The following ARAP2 variants were observed in gnomAD, a reference collection of about 807,000 sequenced individuals.
ARAP2 encodes ArfGAP with RhoGAP domain, ankyrin repeat and PH domain 2.
Under a neutral mutation model 194.5 loss-of-function variants are expected in ARAP2, and 148 were observed. The ratio of observed to expected loss-of-function variants is 0.76; its 90% CI spans 0.67 to 0.87. The LOEUF (loss-of-function observed/expected upper bound fraction) is 0.87. ARAP2 is among the 40% of genes least tolerant of loss of function. The probability of loss-of-function intolerance (pLI) is 0.00; values close to 1 mark genes in which losing one functional copy is unlikely to be tolerated. For missense variants in ARAP2, 2,128 were observed against 1,989.7 expected (o/e 1.07, Z -1.32); for synonymous variants, 695 against 683.5 (o/e 1.02, Z -0.26).
intron 27 of ARAP2, among the ~76,000 whole-genome samples, chr4:36,104,085 T>C (rs181972074): frequency 4.6e-5 from 7 of 152,066 alleles, no homozygotes; most frequent in Admixed American, 3.9e-4. Flanking sequence ...AGGTATCTAA[T>C]GTGGGGGTGT....
chr4:36,151,001 A>G lies in ARAP2; in HGVS notation c.2796T>C (p.Ser932=). The G allele has an allele frequency of 6.2e-7, 1 of 1,611,192 alleles. No homozygotes were observed. The highest frequency in any genetic ancestry group is 8.5e-7 in the Non-Finnish European group (1 of 1,178,924). The change falls in exon 16 of 33, where the codon AGT becomes AGC. Residue 932 remains serine (S), a synonymous_variant. Coordinates refer to ENST00000303965, the MANE Select transcript of ARAP2 (RefSeq NM_015230.4). Reference sequence around the variant, plus strand: ...TGGTAGACTTATCATTTTCATAGTAACTCAAGAAGCCTCCTTCCAAAACAC... The same window carrying G: ...TGGTAGACTTATCATTTTCATAGTAGCTCAAGAAGCCTCCTTCCAAAACAC... The part of the protein sequence containing the change: ...KWCVLEGGFL[S]YYENDKSTTP...
rs532351777 is a variant in ARAP2 at position 36,058,857 on chromosome 4, G to T, written n.148-714C>A. On this transcript the variant is annotated intron_variant and non_coding_transcript_variant, in intron 1 of 12. Coordinates refer to the ARAP2 transcript ENST00000503225. ...ATCAGGTGGTGATAAGCCCAATGAA[G>T]TAAGAAGATAAAGGGGATAGCAGAA... Among the ~76,000 whole-genome samples, 10 of 152,272 alleles carry T rather than the reference G, an allele frequency of 6.6e-5. No individual in the cohort carries two copies. The South Asian group carries it at 2.1e-3, about 32-fold the overall frequency.
At chr4:36,071,498 C>A (rs972753552) in intron 32 of ARAP2, among the ~76,000 whole-genome samples, 11 of 152,234 alleles carry the variant, frequency 7.2e-5, no homozygotes, top group African/African-American at 2.4e-4. Flanking sequence ...GTCACTTCCA[C>A]CATGAAGCCT....
At chr4:36,211,890 C>A (rs73128479) in intron 5 of ARAP2, among the ~76,000 whole-genome samples, 1 of 151,798 alleles carries the variant, frequency 6.6e-6, no homozygotes, top group East Asian at 1.9e-4. Flanking sequence ...TGCCAGTATG[C>A]CAAGTTCCAA....
At chr4:36,073,978 G>A in intron 31 of ARAP2, 155 bp from the exon 32 acceptor site, 1 of 962,768 alleles carries the variant, frequency 1.0e-6, no homozygotes, top group Non-Finnish European at 1.5e-6. Context: ...TCTGGTGGCA[G>A]CATCGCTCCA....
At chr4:36,148,576 G>C in intron 16 of ARAP2, 69 bp from the exon 17 acceptor site, 1 of 1,078,900 alleles carries the variant, frequency 9.3e-7, no homozygotes, top group Non-Finnish European at 1.4e-6. Flanking sequence ...ATAACACAAA[G>C]GTCATGTTTT....
intron 6 of ARAP2, chr4:36,209,386 C>G (rs1746250281): frequency 2.2e-6 from 1 of 454,220 alleles, no homozygotes; most frequent in Non-Finnish European, 4.4e-6. Flanking sequence ...AAGAAGTAAT[C>G]TGCTTTGGTT....
intron 27 of ARAP2, among the ~76,000 whole-genome samples, chr4:36,103,544 T>C (rs985168172): frequency 1.3e-5 from 2 of 151,670 alleles, no homozygotes; most frequent in African/African-American, 4.8e-5. Flanking sequence ...ATTCTCCCTA[T>C]CTTAATAGTT....
intron 6 of ARAP2, among the ~76,000 whole-genome samples, chr4:36,194,088 G>A (rs1402831991): frequency 6.6e-6 from 1 of 152,076 alleles, no homozygotes; most frequent in Non-Finnish European, 1.5e-5. Context: ...TTGTCAATTG[G>A]ATTTACATGG....
At chr4:36,123,149 G>C (rs1454251048) in intron 22 of ARAP2, among the ~76,000 whole-genome samples, 1 of 151,710 alleles carries the variant, frequency 6.6e-6, no homozygotes, top group Non-Finnish European at 1.5e-5. Flanking sequence ...TGCTTTTACA[G>C]TACACTTAAC....
chr4:36,143,871 A>G (rs908974888), intron 19 of ARAP2, among the ~76,000 whole-genome samples: 4 of 152,004 alleles, frequency 2.6e-5, no homozygotes, highest in South Asian at 4.1e-4. Context: ...AATGTTATTA[A>G]CTGTCTGTGA....
chr4:36,057,199 T>G (rs768672308), intron 2 of ARAP2, among the ~76,000 whole-genome samples: 1 of 140,362 alleles, frequency 7.1e-6, no homozygotes, highest in Non-Finnish European at 1.6e-5. Context: ...ATTGTAATTG[T>G]TTTTTTTTTG....
At chr4:36,071,738 T>C (rs911011109) in intron 32 of ARAP2, among the ~76,000 whole-genome samples, 2 of 151,028 alleles carry the variant, frequency 1.3e-5, no homozygotes, top group Non-Finnish European at 2.9e-5. Context: ...TTAGGGTACA[T>C]GTGCACATTG....
intron 27 of ARAP2, among the ~76,000 whole-genome samples, chr4:36,096,422 C>G (rs1190974971): frequency 2.0e-5 from 3 of 149,740 alleles, no homozygotes; most frequent in African/African-American, 7.4e-5. Flanking sequence ...AACCCTTAAT[C>G]TGTTTGGGGA....
intron 26 of ARAP2, among the ~76,000 whole-genome samples, chr4:36,108,886 T>C (rs1195352152): frequency 3.9e-5 from 6 of 151,996 alleles, no homozygotes; most frequent in African/African-American, 7.2e-5. Flanking sequence ...GCTGCTTTCC[T>C]AGTGTTGTAG....
At chr4:36,083,643 C>T (rs1299543120) in intron 28 of ARAP2, among the ~76,000 whole-genome samples, 193 bp from the exon 29 acceptor site, 2 of 152,070 alleles carry the variant, frequency 1.3e-5, no homozygotes, top group African/African-American at 2.4e-5. Context: ...ACAATCAATA[C>T]ATATTAATAA....
At chr4:36,244,139 G>C (rs1163614535) in intron 1 of ARAP2, 40 bp downstream of exon 1, 2 of 152,224 alleles carry the variant, frequency 1.3e-5, no homozygotes, top group African/African-American at 4.8e-5. Flanking sequence ...CCCCGCGTGG[G>C]CCATCCCGGC....
At chr4:36,151,136 C>T in intron 15 of ARAP2, 92 bp from the exon 16 acceptor site, 6 of 1,092,164 alleles carry the variant, frequency 5.5e-6, no homozygotes, top group Non-Finnish European at 7.7e-6. Flanking sequence ...TGGCTGGATG[C>T]AAGTAAATAA....
intron 9 of ARAP2, among the ~76,000 whole-genome samples, chr4:36,011,502 C>T (rs1334093909): frequency 6.6e-6 from 1 of 152,092 alleles, no homozygotes; most frequent in African/African-American, 2.4e-5. Flanking sequence ...CTTCAGTTTC[C>T]CAGCCTTATT....
Sources: gnomAD v4.1 joint callset for allele counts (sites outside exome capture counted in the v4.1 genomes callset) on GRCh38, gnomAD v4.1.1 for gene constraint, MANE v1.5 for transcripts, NCBI Gene and HGNC (gene_info 2026-07-23, HGNC 2026-07-21) for gene names.